NOS1AP: variants seen among roughly 807,000 people sequenced by gnomAD.
NOS1AP encodes nitric oxide synthase 1 adaptor protein.
A neutral mutation model predicts 56.2 loss-of-function variants in NOS1AP; 21 were observed. That is an observed-to-expected ratio of 0.37 (90% CI 0.26 to 0.54). NOS1AP has a LOEUF of 0.54. Among genes scored for constraint, NOS1AP ranks in the 20% least tolerant of loss-of-function variants. The pLI is 0.84. For synonymous variants in NOS1AP, 270 were observed against 274.6 expected (o/e 0.98, Z 0.17); for missense variants, 522 against 657.8 (o/e 0.79, Z 2.26).
At chr1:162,198,280 C>G (rs6692600) in intron 2 of NOS1AP, among the ~76,000 whole-genome samples, 150,777 of 152,304 alleles carry the variant, frequency 0.99, 74,647 homozygotes, top group Middle Eastern at 1. Flanking sequence ...GTCATCAAAG[C>G]CATCTGCATA....
chr1:162,076,019 A>G (rs895935737), intron 1 of NOS1AP, among the ~76,000 whole-genome samples: 1 of 152,324 alleles, frequency 6.6e-6, no homozygotes, highest in Admixed American at 6.5e-5. Context: ...TCATGCAGCC[A>G]CATCTAATGA....
intron 7 of NOS1AP, 150 bp from the exon 8 acceptor site, chr1:162,356,810 C>T (rs1657718577): frequency 1.3e-6 from 2 of 1,553,232 alleles, no homozygotes; most frequent in East Asian, 2.3e-5. Context: ...TTCTGGGCCT[C>T]TACTCCCATT....
chr1:162,215,886 T>C (rs1384028863), intron 2 of NOS1AP, among the ~76,000 whole-genome samples: 1 of 152,238 alleles, frequency 6.6e-6, no homozygotes, highest in Non-Finnish European at 1.5e-5. Flanking sequence ...CATGCTTCTT[T>C]TGTTAGCATT....
chr1:162,259,156 G>A (rs575032730), intron 2 of NOS1AP, among the ~76,000 whole-genome samples: 8 of 152,264 alleles, frequency 5.3e-5, no homozygotes, highest in Admixed American at 2.6e-4. Context: ...CGACCACCCC[G>A]CTGTTGTACT....
At chr1:162,143,282 T>C in intron 1 of NOS1AP, among the ~76,000 whole-genome samples, 1 of 152,200 alleles carries the variant, frequency 6.6e-6, no homozygotes, top group East Asian at 1.9e-4. Flanking sequence ...TTCTTGATTC[T>C]GCCCTTCCAT....
intron 2 of NOS1AP, among the ~76,000 whole-genome samples, chr1:162,222,673 T>C (rs911550652): frequency 5.9e-5 from 9 of 152,254 alleles, no homozygotes; most frequent in Non-Finnish European, 8.8e-5. Flanking sequence ...GGTGGCCTGT[T>C]ACATTTGCTT....
chr1:162,339,949 G>GCT (rs1657056943), intron 5 of NOS1AP, among the ~76,000 whole-genome samples: 1 of 152,202 alleles, frequency 6.6e-6, no homozygotes, highest in Non-Finnish European at 1.5e-5. Context: ...TAATGGTGAA[G>GCT]CAAGGAGAGC....
chr1:162,146,333 G>A (rs779499838), intron 1 of NOS1AP, among the ~76,000 whole-genome samples: 11 of 152,132 alleles, frequency 7.2e-5, no homozygotes, highest in African/African-American at 1.2e-4. Context: ...TGATTTTCTT[G>A]TTTTTCCAAC....
intron 4 of NOS1AP, among the ~76,000 whole-genome samples, chr1:162,310,031 C>A (rs1435605699): frequency 6.6e-6 from 1 of 152,050 alleles, no homozygotes; most frequent in East Asian, 1.9e-4. Context: ...TTTAAGATAC[C>A]TCTCCAAAGT....
At chr1:162,343,362 A>G (rs1657172663) in intron 5 of NOS1AP, among the ~76,000 whole-genome samples, 1 of 152,170 alleles carries the variant, frequency 6.6e-6, no homozygotes, top group East Asian at 1.9e-4. Flanking sequence ...CTGAGCTTCC[A>G]TTGGTTTCTG....
chr1:162,267,195 C>G (rs1251035159), intron 2 of NOS1AP, among the ~76,000 whole-genome samples: 1 of 152,158 alleles, frequency 6.6e-6, no homozygotes, highest in African/African-American at 2.4e-5. Context: ...AGAGCTGTAT[C>G]TGCCCCATTA....
At chr1:162,247,693 T>TCC (rs58094158) in intron 2 of NOS1AP, among the ~76,000 whole-genome samples, 1 of 151,802 alleles carries the variant, frequency 6.6e-6, no homozygotes, top group African/African-American at 2.4e-5. Flanking sequence ...TTTTGTCCCG[T>TCC]CCCCCCCACA....
At chr1:162,343,363 T>C (rs1025158054) in intron 5 of NOS1AP, among the ~76,000 whole-genome samples, 6 of 152,176 alleles carry the variant, frequency 3.9e-5, no homozygotes, top group Non-Finnish European at 7.3e-5. Context: ...TGAGCTTCCA[T>C]TGGTTTCTGC....
At chr1:162,145,389 G>A (rs980137794) in intron 1 of NOS1AP, among the ~76,000 whole-genome samples, 2 of 152,014 alleles carry the variant, frequency 1.3e-5, no homozygotes, top group African/African-American at 2.4e-5. Flanking sequence ...GGAGAGCCCC[G>A]AGCAAGCCTC....
chr1:162,324,355 A>G (rs1912439), intron 4 of NOS1AP, among the ~76,000 whole-genome samples: 148,560 of 151,024 alleles, frequency 0.98, 73,124 homozygotes, highest in Middle Eastern at 1. Flanking sequence ...GTTGGAGAGA[A>G]ATTAAAGTCT....
chr1:162,332,475 T>C (rs1176103383), intron 4 of NOS1AP, among the ~76,000 whole-genome samples: 1 of 152,132 alleles, frequency 6.6e-6, no homozygotes, highest in Non-Finnish European at 1.5e-5. Context: ...CTCAGTGGCA[T>C]TGGTTGAATC....
chr1:162,289,211 T>TTCCTTTCCTTCCTTCCTTC lies in NOS1AP; in HGVS notation c.270+1775_270+1776insTCCTTTCCTTCCTTCCTTC, dbSNP rs1557864663. 1.3e-3 allele frequency among the ~76,000 whole-genome samples: 24 copies of TTCCTTTCCTTCCTTCCTTC among 17,892 alleles called. 1 individual carries two copies. In the East Asian group the frequency reaches 0.024, roughly 18 times the overall value. The allele number at this position is 17,892 out of a possible 152,430, so 11.7% of individuals were successfully genotyped here. A position where few individuals can be genotyped will look rare whatever the true frequency, so the allele number is the denominator to read the frequency against. On this transcript the variant is annotated intron_variant, in intron 3 of 9. Transcript: ENST00000361897. ...CCTTTCTTTCCTTCCTTCCTTCCTT[T>TTCCTTTCCTTCCTTCCTTC]CCTTCCTTCCTTCCTTCCTTCCTTC...
intron 1 of NOS1AP, among the ~76,000 whole-genome samples, chr1:162,076,377 C>T (rs1349174792): frequency 7.2e-5 from 11 of 152,164 alleles, no homozygotes; most frequent in Admixed American, 7.2e-4. Flanking sequence ...AATGTCTATT[C>T]TGATCCTTTG....
At chr1:162,364,598 G>A (rs374195) in intron 8 of NOS1AP, 6 of 985,460 alleles carry the variant, frequency 6.1e-6, no homozygotes, top group Middle Eastern at 5.2e-4. Context: ...GCCTTAAGAA[G>A]GTTGGAAACT....
Sources: allele counts gnomAD v4.1 joint callset (sites outside exome capture counted in the v4.1 genomes callset), GRCh38; gene constraint gnomAD v4.1.1; transcripts MANE v1.5; gene names NCBI Gene and HGNC (gene_info 2026-07-23, HGNC 2026-07-21).